The following PITPNM3 variants were observed in gnomAD, a reference collection of about 807,000 sequenced individuals.
The protein encoded by PITPNM3 is PITPNM family member 3.
A neutral mutation model predicts 102.0 loss-of-function variants in PITPNM3; 26 were observed. The observed-to-expected ratio is 0.25, with a 90% CI of 0.19 to 0.35. The LOEUF is 0.35. PITPNM3 is among the 10% of genes least tolerant of loss of function. The pLI is 1.00. For missense variants in PITPNM3, 1,083 were observed against 1,346.1 expected, an observed-to-expected ratio of 0.80 and a Z score of 3.06; for synonymous variants, 578 against 558.6, an observed-to-expected ratio of 1.03 and a Z score of -0.49.
At chr17:6,529,033 A>G (rs1275899410) in intron 2 of PITPNM3, among the ~76,000 whole-genome samples, 1 of 152,008 alleles carries the variant, frequency 6.6e-6, no homozygotes, top group Admixed American at 6.5e-5. Context: ...CCTGCATGCT[A>G]ATTCTCATCC....
rs1910625636 is a variant in PITPNM3 at position 6,556,514 on chromosome 17, C to T, written c.-108G>A. 5.2e-6 allele frequency: 4 copies of T among 762,442 alleles called. No homozygotes were observed. The highest frequency in any genetic ancestry group is 6.4e-6 in the Non-Finnish European group (4 of 625,618). The allele number at this position is 762,442 out of a possible 1,614,324, so 47.2% of individuals were successfully genotyped here. A position where few individuals can be genotyped will look rare whatever the true frequency, so the allele number is the denominator to read the frequency against. On this transcript the variant is annotated 5_prime_UTR_variant, in exon 1 of 20. Transcript: ENST00000262483. The surrounding 1 kb of genome is among the most constrained non-coding windows in gnomAD (Gnocchi z 5.2). ...GGACTCCGAGCGCCGCGCCCGCGCC[C>T]CCGCCCCGCTCGCCTCGGCTGCCGC... is the stretch of plus-strand genomic sequence containing the variant.
chr17:6,525,572 G>A, intron 2 of PITPNM3, 109 bp from the exon 3 acceptor site: 1 of 805,786 alleles, frequency 1.2e-6, no homozygotes, highest in Admixed American at 1.9e-5. Flanking sequence ...TCTTCCTTGA[G>A]TTGAGGTACA....
chr17:6,477,922 AG>A, intron 8 of PITPNM3, 52 bp downstream of exon 8: 1 of 1,604,512 alleles, frequency 6.2e-7, no homozygotes, highest in Non-Finnish European at 8.5e-7. Flanking sequence ...CCCGAGGGGC[AG>A]GCCCTGCTCC....
rs1910620354 is a variant in PITPNM3 at position 6,556,463 on chromosome 17, G to C, written c.-57C>G. On this transcript the variant is annotated 5_prime_UTR_variant, in exon 1 of 20. Coordinates refer to ENST00000262483, the MANE Select transcript of PITPNM3 (RefSeq NM_031220.4). This position sits in a 1 kb window ranked among gnomAD's most constrained non-coding sequence, Gnocchi z 5.2. ...CGCGCTCCTCGCGCTTCCCGGGCCCGGCCCCGACCGCCTCCGGCCCCGAAC... is the reference window on the plus strand; with the variant it reads ...CGCGCTCCTCGCGCTTCCCGGGCCCCGCCCCGACCGCCTCCGGCCCCGAAC... 8.8e-7 allele frequency: 1 copy of C among 1,131,474 alleles called. No individual in the cohort carries two copies. Among genetic ancestry groups the C allele is most frequent in the Non-Finnish European group, 1.1e-6 (1 of 926,946 alleles). The allele number at this position is 1,131,474 out of a possible 1,614,324, so 70.1% of individuals were successfully genotyped here.
rs546634285 is a variant in PITPNM3, at chr17:6,486,991, C to T, written c.275-2699G>A. Among the ~76,000 whole-genome samples the T allele has an allele frequency of 1.5e-3, 226 of 152,302 alleles. 2 individuals carry two copies. The highest frequency in any genetic ancestry group is 1.2e-3 in the South Asian group (6 of 4,828). ...AGCCCAGGTCTGCCGCTGCCAGGCC[C>T]CTTTCCACCACGTGAACTAGTACCA... On this transcript the variant is annotated intron_variant, in intron 4 of 19. Coordinates refer to ENST00000262483, the MANE Select transcript of PITPNM3 (RefSeq NM_031220.4).
At position 6,451,330 on chromosome 17, in the gene PITPNM3, C is replaced by G. The variant is rs1453488097; in HGVS notation, c.*4008G>C. The G allele has an allele frequency of 6.6e-6, 1 of 152,222 alleles. No homozygotes were observed. Among genetic ancestry groups the G allele is most frequent in the Non-Finnish European group, 1.5e-5 (1 of 68,032 alleles). 9.4% of individuals were successfully genotyped at this position (152,222 alleles called of 1,614,324 possible). On this transcript the variant is annotated 3_prime_UTR_variant, in exon 20 of 20. Transcript: ENST00000262483. ...GCTAAAAACCAGCTCACATCAAAAT[C>G]AAGACCCAGTTGTAAAAATCTTTTA... is the stretch of plus-strand genomic sequence containing the variant.
In PITPNM3 at chr17:6,478,789, G is replaced by A. The variant is rs1227315582; in HGVS notation, c.588-53C>T. 1 of 1,505,230 alleles carries A rather than the reference G, an allele frequency of 6.6e-7. No homozygotes were observed. The highest frequency in any genetic ancestry group is 2.0e-5 in the Admixed American group (1 of 50,092). The allele number at this position is 1,505,230 out of a possible 1,614,324, so 93.2% of individuals were successfully genotyped here. On this transcript the variant is annotated intron_variant, in intron 6 of 19. Transcript: ENST00000262483. This position sits in a 1 kb window ranked among gnomAD's most constrained non-coding sequence, Gnocchi z 4.4. ...CAGCCAGGATCGGGCAGGTTGGCAGGTTTGGGGCTGAGGATCAGGCAGAAG... is the reference window on the plus strand; with the variant it reads ...CAGCCAGGATCGGGCAGGTTGGCAGATTTGGGGCTGAGGATCAGGCAGAAG...
intron 4 of PITPNM3, among the ~76,000 whole-genome samples, chr17:6,485,847 G>A (rs1906060274): frequency 6.6e-6 from 1 of 152,172 alleles, no homozygotes. Flanking sequence ...CCCACTGCCT[G>A]TTTTTGTAAA....
At chr17:6,552,173 TAA>T (rs1910346192) in intron 1 of PITPNM3, among the ~76,000 whole-genome samples, 1 of 152,092 alleles carries the variant, frequency 6.6e-6, no homozygotes, top group African/African-American at 2.4e-5. Flanking sequence ...GAGAGGAGAA[TAA>T]ACTGGTTCCT....
At chr17:6,527,366 G>A (rs1167042756) in intron 2 of PITPNM3, among the ~76,000 whole-genome samples, 1 of 152,180 alleles carries the variant, frequency 6.6e-6, no homozygotes, top group Non-Finnish European at 1.5e-5. Context: ...TAGGGCCTCT[G>A]TCATTGGATT....
At chr17:6,550,353 G>A (rs1910241561) in intron 1 of PITPNM3, among the ~76,000 whole-genome samples, 1 of 152,192 alleles carries the variant, frequency 6.6e-6, no homozygotes, top group African/African-American at 2.4e-5. Flanking sequence ...AGATGCTGTT[G>A]AGCCATTGGA....
At chr17:6,552,592 T>C (rs1910370389) in intron 1 of PITPNM3, among the ~76,000 whole-genome samples, 1 of 152,118 alleles carries the variant, frequency 6.6e-6, no homozygotes, top group Non-Finnish European at 1.5e-5. Flanking sequence ...CTCTGCATTC[T>C]TCCGCTCCAG....
At chr17:6,506,379 C>CTT (rs55749537) in intron 3 of PITPNM3, among the ~76,000 whole-genome samples, 1 of 140,658 alleles carries the variant, frequency 7.1e-6, no homozygotes, top group Non-Finnish European at 1.6e-5. Flanking sequence ...TCCTTTCTCT[C>CTT]TTTTTTTTTT....
intron 4 of PITPNM3, among the ~76,000 whole-genome samples, chr17:6,492,271 G>C (rs915734540): frequency 2.0e-5 from 3 of 151,754 alleles, no homozygotes; most frequent in Non-Finnish European, 4.4e-5. Context: ...CACCATGTTG[G>C]CCAGGATGGT....
rs1036635428 is a variant in PITPNM3, at chr17:6,495,033, T to C, written c.274+8494A>G. 3.3e-5 allele frequency among the ~76,000 whole-genome samples: 5 copies of C among 151,572 alleles called. No individual in the cohort carries two copies. In the East Asian group the frequency reaches 7.7e-4, roughly 23 times the overall value. On this transcript the variant is annotated intron_variant, in intron 4 of 19. Transcript: ENST00000262483. ...AAGCAAGGTGCACAAAGAAAGGAAC[T>C]GTGTGCTCCCATCTGTGTGAGGGTA...
intron 1 of PITPNM3, among the ~76,000 whole-genome samples, chr17:6,555,209 G>A (rs1910536631): frequency 6.6e-6 from 1 of 152,164 alleles, no homozygotes; most frequent in Non-Finnish European, 1.5e-5. Context: ...TCACACAACC[G>A]GCCCCACCCC....
chr17:6,504,371 T>C (rs945096028), intron 3 of PITPNM3, among the ~76,000 whole-genome samples: 1 of 152,138 alleles, frequency 6.6e-6, no homozygotes, highest in African/African-American at 2.4e-5. Flanking sequence ...ATGAAACTTC[T>C]CCAGGTGTTC....
chr17:6,500,203 G>T (rs972124033), intron 4 of PITPNM3, among the ~76,000 whole-genome samples: 13 of 152,156 alleles, frequency 8.5e-5, no homozygotes, highest in African/African-American at 2.2e-4. Context: ...CTGACTCCTG[G>T]TTCCAGGGCA....
In PITPNM3 at chr17:6,463,794, C is replaced by T. The variant is rs201446286; in HGVS notation, c.2244G>A (p.Ala748=). The part of the protein sequence containing the change: ...CVVFSIDGSF[A]ASVSIMGSDP... ...CGCTTCCCATGATAGACACGCTGGCCGCGAAGGACCCATCAATGCTGAACA... is the reference window on the plus strand; with the variant it reads ...CGCTTCCCATGATAGACACGCTGGCTGCGAAGGACCCATCAATGCTGAACA... Residue 748 remains alanine (A), a synonymous_variant, in exon 17 of 20, where the codon GCG becomes GCA. Coordinates refer to ENST00000262483, the MANE Select transcript of PITPNM3 (RefSeq NM_031220.4). 127 of 1,613,210 alleles carry T rather than the reference C, an allele frequency of 7.9e-5. No homozygotes were observed. Among genetic ancestry groups the T allele is most frequent in the African/African-American group, 2.1e-4 (16 of 75,038 alleles).
Sources: allele counts gnomAD v4.1 joint callset (sites outside exome capture counted in the v4.1 genomes callset), GRCh38; gene constraint gnomAD v4.1.1; non-coding constraint Gnocchi (gnomAD v3.1); transcripts MANE v1.5; gene names NCBI Gene and HGNC (gene_info 2026-07-23, HGNC 2026-07-21).